Variants in FGF14 observed in about 807,000 individuals in gnomAD.
The protein encoded by FGF14 is fibroblast growth factor 14.
Under a neutral mutation model 25.5 loss-of-function variants are expected in FGF14, and 5 were observed. The ratio of observed to expected loss-of-function variants is 0.20; its 90% confidence interval spans 0.10 to 0.41. The LOEUF is 0.41. FGF14 is among the 10% of genes least tolerant of loss of function. The probability of loss-of-function intolerance (pLI) is 1.00; values close to 1 mark genes in which losing one functional copy is unlikely to be tolerated. For synonymous variants in FGF14, 138 were observed against 118.3 expected (o/e 1.17, Z -1.08); for missense variants, 222 against 320.1 (o/e 0.69, Z 2.34).
rs1224321803 is a variant in FGF14 at position 101,720,646 on chromosome 13, T to A, written c.*2185A>T. ...CCCATTTGACTGTATTACAAGTTAG[T>A]TAATTACTCATATAGTTGGCCACAT... On this transcript the variant is annotated 3_prime_UTR_variant, in exon 5 of 5. Coordinates refer to ENST00000376143, the MANE Select transcript of FGF14 (RefSeq NM_004115.4). 1 of 151,934 alleles carries A rather than the reference T, an allele frequency of 6.6e-6. No homozygotes were observed. Among genetic ancestry groups the A allele is most frequent in the African/African-American group, 2.4e-5 (1 of 41,358 alleles). 9.4% of individuals were successfully genotyped at this position (151,934 alleles called of 1,614,324 possible). A position where few individuals can be genotyped will look rare whatever the true frequency, so the allele number is the denominator to read the frequency against.
intron 3 of FGF14, among the ~76,000 whole-genome samples, chr13:101,826,764 T>C (rs2042411011): frequency 6.6e-6 from 1 of 152,054 alleles, no homozygotes; most frequent in East Asian, 1.9e-4. Flanking sequence ...AAATTAAGTA[T>C]GGAATTTTTA....
chr13:101,924,985 A>G (rs894363032), intron 1 of FGF14, among the ~76,000 whole-genome samples: 1 of 152,208 alleles, frequency 6.6e-6, no homozygotes, highest in Non-Finnish European at 1.5e-5. Context: ...AAAGGTGTGC[A>G]TGTGCATGTT....
chr13:101,735,242 C>T (rs927953222), intron 3 of FGF14, among the ~76,000 whole-genome samples: 31 of 152,126 alleles, frequency 2.0e-4, no homozygotes, highest in African/African-American at 6.0e-4. Context: ...TGTTTTATGC[C>T]AGGTTTTGTG....
At chr13:102,176,776 C>A (rs1316429698) in intron 1 of FGF14, among the ~76,000 whole-genome samples, 2 of 152,088 alleles carry the variant, frequency 1.3e-5, no homozygotes, top group African/African-American at 4.8e-5. Context: ...AGGTGAGGGA[C>A]ATGTCTATTA....
At chr13:102,059,871 A>C (rs894196490) in intron 1 of FGF14, among the ~76,000 whole-genome samples, 15 of 143,638 alleles carry the variant, frequency 1.0e-4, no homozygotes, top group Non-Finnish European at 1.8e-4. Flanking sequence ...AAACAAAAAC[A>C]AAAAAAAAAG....
At chr13:102,340,540 T>A (rs953838993) in intron 1 of FGF14, among the ~76,000 whole-genome samples, 1 of 152,082 alleles carries the variant, frequency 6.6e-6, no homozygotes, top group African/African-American at 2.4e-5. Flanking sequence ...TTGTGATACA[T>A]CCCAAAATAT....
intron 3 of FGF14, among the ~76,000 whole-genome samples, chr13:101,759,085 CAG>C (rs2037837913): frequency 6.6e-6 from 1 of 152,206 alleles, no homozygotes; most frequent in African/African-American, 2.4e-5. Context: ...TACTACTGCA[CAG>C]AGTTATCGTG....
chr13:101,943,993 C>T (rs1432117450), intron 1 of FGF14, among the ~76,000 whole-genome samples: 2 of 120,772 alleles, frequency 1.7e-5, no homozygotes. Flanking sequence ...AGTGAAACTC[C>T]GTCTCAAAAA....
chr13:102,194,204 A>G (rs1178242839), intron 1 of FGF14, among the ~76,000 whole-genome samples: 2 of 152,088 alleles, frequency 1.3e-5, no homozygotes, highest in South Asian at 4.1e-4. Context: ...TTTTATTGAG[A>G]GCTTAAAACA....
chr13:101,991,800 C>A (rs987950886), intron 1 of FGF14, among the ~76,000 whole-genome samples: 3 of 152,042 alleles, frequency 2.0e-5, no homozygotes, highest in Non-Finnish European at 4.4e-5. Flanking sequence ...AGGAAAGGGG[C>A]TAGTCTCGGC....
chr13:101,979,962 T>C (rs2038149596), intron 1 of FGF14, among the ~76,000 whole-genome samples: 1 of 152,182 alleles, frequency 6.6e-6, no homozygotes, highest in South Asian at 2.1e-4. Flanking sequence ...CACTAAATCG[T>C]TTGCTGCAAG....
Position 101,738,974 on chromosome 13 carries a change from G to A in FGF14, c.409-12164C>T, listed in dbSNP as rs544997979. 2.7e-3 allele frequency among the ~76,000 whole-genome samples: 377 copies of A among 139,572 alleles called. 2 individuals carry two copies. Among genetic ancestry groups the A allele is most frequent in the African/African-American group, 9.3e-3 (354 of 38,268 alleles). The allele number at this position is 139,572 out of a possible 152,430, so 91.6% of individuals were successfully genotyped here. On this transcript the variant is annotated intron_variant, in intron 3 of 4. Transcript: ENST00000376143. Reference sequence around the variant, plus strand: ...TGTGTGTGTATATATATATATATATGCCAATTGGTGTGTTTATATGTGTGT... The same window carrying A: ...TGTGTGTGTATATATATATATATATACCAATTGGTGTGTTTATATGTGTGT...
intron 1 of FGF14, among the ~76,000 whole-genome samples, chr13:101,898,055 C>G (rs991574944): frequency 6.6e-6 from 1 of 151,822 alleles, no homozygotes; most frequent in African/African-American, 2.4e-5. Flanking sequence ...CCACCACGTC[C>G]AGATAATGTT....
intron 1 of FGF14, among the ~76,000 whole-genome samples, chr13:102,209,762 C>T (rs2050084985): frequency 6.6e-6 from 1 of 152,126 alleles, no homozygotes; most frequent in African/African-American, 2.4e-5. Context: ...TTGATTCAAA[C>T]TTTTAACATC....
At chr13:102,161,648 A>G (rs760396762) in intron 1 of FGF14, among the ~76,000 whole-genome samples, 368 of 18,016 alleles carry the variant, frequency 0.02, 17 homozygotes, top group South Asian at 0.079. Context: ...AAGAAGAAGA[A>G]GAAGAAGAAG....
chr13:101,761,803 G>T (rs1388096140), intron 3 of FGF14, among the ~76,000 whole-genome samples: 1 of 152,118 alleles, frequency 6.6e-6, no homozygotes, highest in African/African-American at 2.4e-5. Flanking sequence ...AACAACGCTT[G>T]TCCTCACTAA....
intron 3 of FGF14, among the ~76,000 whole-genome samples, chr13:101,781,218 C>A (rs2039473851): frequency 2.0e-5 from 3 of 152,206 alleles, no homozygotes; most frequent in African/African-American, 7.2e-5. Context: ...CCTTCCCAAA[C>A]TGATCTTGCC....
intron 1 of FGF14, among the ~76,000 whole-genome samples, chr13:102,072,087 A>G (rs572988637): frequency 9.2e-5 from 14 of 152,364 alleles, no homozygotes; most frequent in African/African-American, 3.1e-4. Context: ...AAAGCCTTAC[A>G]TAAGGATGCA....
At chr13:101,874,712 T>C (rs995449711) in intron 2 of FGF14, among the ~76,000 whole-genome samples, 4 of 152,140 alleles carry the variant, frequency 2.6e-5, no homozygotes, top group Non-Finnish European at 5.9e-5. Flanking sequence ...GAAAGTTTTT[T>C]TTGTTAAATG....
Sources: gnomAD v4.1 joint callset for allele counts (sites outside exome capture counted in the v4.1 genomes callset) on GRCh38, gnomAD v4.1.1 for gene constraint, MANE v1.5 for transcripts, NCBI Gene and HGNC (gene_info 2026-07-23, HGNC 2026-07-21) for gene names.